Variants in PSD3 observed in about 807,000 individuals in gnomAD.
PSD3 encodes PH and SEC7 domain-containing protein 3.
Under a neutral mutation model 105.5 loss-of-function variants are expected in PSD3, and 49 were observed. The ratio of observed to expected loss-of-function variants is 0.46; its 90% CI spans 0.37 to 0.59. PSD3 has a LOEUF of 0.59. PSD3 is among the 20% of genes least tolerant of loss of function. The probability of loss-of-function intolerance (pLI) is 0.00; values close to 1 mark genes in which losing one functional copy is unlikely to be tolerated. For missense variants in PSD3, 1,561 were observed against 1,263.8 expected (o/e 1.24, Z -3.57); for synonymous variants, 557 against 457.8 (o/e 1.22, Z -2.77).
intron 1 of PSD3, among the ~76,000 whole-genome samples, chr8:18,937,752 G>A (rs1012163166): frequency 6.6e-6 from 1 of 152,156 alleles, no homozygotes; most frequent in African/African-American, 2.4e-5. Flanking sequence ...TGAAGTGTTT[G>A]GGGAGCTTCA....
chr8:19,069,556 C>T (rs1829185436), intron 1 of PSD3, among the ~76,000 whole-genome samples: 1 of 152,154 alleles, frequency 6.6e-6, no homozygotes, highest in South Asian at 2.1e-4. Context: ...GATTTGTACA[C>T]AAATACTTGA....
intron 2 of PSD3, among the ~76,000 whole-genome samples, chr8:18,899,395 G>A (rs1819356266): frequency 3.9e-5 from 6 of 152,054 alleles, no homozygotes; most frequent in Admixed American, 2.6e-4. Context: ...AGAACTTATT[G>A]TTTCAGATTT....
intron 1 of PSD3, among the ~76,000 whole-genome samples, chr8:18,960,178 C>A (rs17384535): frequency 3.9e-5 from 6 of 152,016 alleles, no homozygotes; most frequent in African/African-American, 1.5e-4. Flanking sequence ...TCTCTGAATT[C>A]TCATCATTTA....
At chr8:18,595,051 G>A (rs1803987009) in intron 12 of PSD3, among the ~76,000 whole-genome samples, 1 of 151,810 alleles carries the variant, frequency 6.6e-6, no homozygotes, top group African/African-American at 2.4e-5. Flanking sequence ...TTTAAAAAAA[G>A]TATTAAAATA....
At chr8:19,018,580 G>T (rs1286621379), upstream of PSD3, among the ~76,000 whole-genome samples, 1 of 152,210 alleles carries the variant, frequency 6.6e-6, no homozygotes, top group African/African-American at 2.4e-5. Flanking sequence ...TAAGAGATAT[G>T]TAGATGTGTG....
At chr8:18,872,847 T>C in intron 2 of PSD3, 114 bp from the exon 3 acceptor site, 1 of 1,051,544 alleles carries the variant, frequency 9.5e-7, no homozygotes, top group Non-Finnish European at 1.4e-6. Context: ...ACTTGATTAT[T>C]GCATTATATC....
At chr8:18,750,079 A>T (rs574314697) in intron 9 of PSD3, among the ~76,000 whole-genome samples, 1 of 152,276 alleles carries the variant, frequency 6.6e-6, no homozygotes, top group East Asian at 1.9e-4. Flanking sequence ...CAAGCCACTA[A>T]GTTTGTGGTG....
chr8:18,770,698 G>C (rs898404228), intron 8 of PSD3, among the ~76,000 whole-genome samples: 2 of 152,224 alleles, frequency 1.3e-5, no homozygotes, highest in Non-Finnish European at 2.9e-5. Flanking sequence ...AAGTCCCAGA[G>C]GAAGTGTTTG....
intron 4 of PSD3, among the ~76,000 whole-genome samples, chr8:18,842,589 C>T (rs1402137769): frequency 3.3e-5 from 5 of 152,032 alleles, no homozygotes; most frequent in Non-Finnish European, 7.4e-5. Flanking sequence ...AAAAATTAGC[C>T]GGGCGTGGTG....
intron 4 of PSD3, among the ~76,000 whole-genome samples, chr8:18,822,402 C>A (rs1232161421): frequency 6.6e-6 from 1 of 152,140 alleles, no homozygotes; most frequent in Non-Finnish European, 1.5e-5. Context: ...TACAGTCCAT[C>A]CCCGGGAGTG....
In PSD3 at chr8:18,936,136, T is replaced by G. The variant is rs1465089947; in HGVS notation, c.28A>C (p.Thr10Pro). The G allele has an allele frequency of 6.2e-7, 1 of 1,607,512 alleles. No individual in the cohort carries two copies. Among genetic ancestry groups the G allele is most frequent in the African/African-American group, 1.3e-5 (1 of 74,828 alleles). The change falls in exon 2 of 16, where the codon ACA becomes CCA. Residue 10 changes from threonine to proline, a missense_variant. Thr to Pro is a conservative substitution (Grantham distance 38). Coordinates refer to ENST00000327040, the MANE Select transcript of PSD3 (RefSeq NM_015310.4). MEGRSAAAE[T>P]FVWVNNASAH... ...GATGCATTGTTCACCCAAACAAATG[T>G]CTCTGCCTGCAAAATAAGAACAAAA...
intron 9 of PSD3, among the ~76,000 whole-genome samples, chr8:18,694,611 GAAAA>G (rs61475829): frequency 1.4e-5 from 2 of 140,928 alleles, no homozygotes; most frequent in African/African-American, 2.6e-5. Flanking sequence ...CTGCATCTCC[GAAAA>G]AAAAAAAAAA....
intron 4 of PSD3, among the ~76,000 whole-genome samples, chr8:18,820,456 G>C (rs1269818295): frequency 6.6e-6 from 1 of 152,034 alleles, no homozygotes; most frequent in Non-Finnish European, 1.5e-5. Flanking sequence ...GGATGTTCAA[G>C]TCCCTGATAT....
At chr8:18,881,605 C>T (rs1045398399) in intron 2 of PSD3, among the ~76,000 whole-genome samples, 1 of 152,170 alleles carries the variant, frequency 6.6e-6, no homozygotes, top group Admixed American at 6.5e-5. Context: ...AGCAACAGGA[C>T]ATACGTTTCC....
intron 9 of PSD3, among the ~76,000 whole-genome samples, chr8:18,736,996 C>T (rs1433008321): frequency 2.0e-5 from 3 of 152,116 alleles, no homozygotes. Context: ...ATAAAAAAAT[C>T]TCAGAATTGT....
intron 2 of PSD3, among the ~76,000 whole-genome samples, chr8:18,907,916 A>G (rs114498193): frequency 0.013 from 2,040 of 152,308 alleles, 38 homozygotes; most frequent in African/African-American, 0.046. Context: ...TTTAATTTTT[A>G]TAATCTTTTG....
At chr8:18,915,391 G>C (rs1820517818) in intron 2 of PSD3, among the ~76,000 whole-genome samples, 1 of 152,130 alleles carries the variant, frequency 6.6e-6, no homozygotes, top group Non-Finnish European at 1.5e-5. Context: ...GGAAACAATT[G>C]TCAGGGTGAA....
At chr8:18,787,576 C>T (rs141545278) in intron 8 of PSD3, among the ~76,000 whole-genome samples, 2 of 152,268 alleles carry the variant, frequency 1.3e-5, no homozygotes, top group Non-Finnish European at 2.9e-5. Context: ...ATCAAGGTAT[C>T]ATCCTTTATG....
intron 1 of PSD3, 64 bp downstream of exon 1, chr8:19,013,499 A>C: frequency 6.4e-7 from 1 of 1,573,638 alleles, no homozygotes; most frequent in Non-Finnish European, 8.6e-7. Flanking sequence ...AGCAACACAA[A>C]CCCCACGTCG....
Sources: gnomAD v4.1 joint callset for allele counts (sites outside exome capture counted in the v4.1 genomes callset) on GRCh38, gnomAD v4.1.1 for gene constraint, MANE v1.5 for transcripts, NCBI Gene and HGNC (gene_info 2026-07-23, HGNC 2026-07-21) for gene names.